Variants in SHOC1 observed in about 807,000 individuals in gnomAD.
The protein encoded by SHOC1 is protein shortage in chiasmata 1 ortholog.
Under a neutral mutation model 179.2 loss-of-function variants are expected in SHOC1, and 136 were observed. That is an observed-to-expected ratio of 0.76 (90% CI 0.66 to 0.87). SHOC1 has a LOEUF of 0.87. SHOC1 is among the 40% of genes least tolerant of loss of function. SHOC1 has a pLI of 0.00. For synonymous variants in SHOC1, 489 were observed against 586.6 expected (o/e 0.83, Z 2.41); for missense variants, 1,538 against 1,700.8 (o/e 0.90, Z 1.68).
At chr9:111,694,840 AAAT>A (rs1179127756) in intron 24 of SHOC1, among the ~76,000 whole-genome samples, 1 of 152,142 alleles carries the variant, frequency 6.6e-6, no homozygotes. Flanking sequence ...AAAAAAGAAA[AAAT>A]AAGGTTTTGA....
Position 111,737,165 on chromosome 9 carries a change from A to ATTT in SHOC1, c.1417+1114_1417+1115insAAA, listed in dbSNP as rs746303139. Among the ~76,000 whole-genome samples, 158 of 152,328 alleles carry ATTT rather than the reference A, an allele frequency of 1.0e-3. 1 individual carries two copies. The highest frequency in any genetic ancestry group is 1.7e-3 in the Non-Finnish European group (118 of 68,032). On this transcript the variant is annotated intron_variant, in intron 12 of 27. Transcript: ENST00000682961. ...GAAACTGTTTGGAGATTTATCAAAGAACTTAAAACAGAACTACGTTCGACC... is the reference window on the plus strand; with the variant it reads ...GAAACTGTTTGGAGATTTATCAAAGATTTACTTAAAACAGAACTACGTTCGACC...
chr9:111,741,511 C>T lies in SHOC1; in HGVS notation c.1139G>A (p.Arg380Lys). The part of the protein sequence containing the change: ...NEYYMMWQLE[R>K]CRSPLNPFLL... The stretch of plus-strand genomic sequence containing the variant: ...AAATGGGTTCAAAGGGCTTCTACAT[C>T]TTTCTAATTGCCACATCATGTAGTA... Residue 380 changes from arginine to lysine, a missense_variant, in exon 11 of 28, where the codon AGA becomes AAA. Coordinates refer to ENST00000682961, the MANE Select transcript of SHOC1 (RefSeq NM_001378211.1). 1 of 1,612,436 alleles carries T rather than the reference C, an allele frequency of 6.2e-7. No individual in the cohort carries two copies. The highest frequency in any genetic ancestry group is 1.1e-5 in the South Asian group (1 of 90,878).
chr9:111,711,546 GTGTC>G (rs1264378653), intron 18 of SHOC1, among the ~76,000 whole-genome samples: 4 of 152,032 alleles, frequency 2.6e-5, no homozygotes, highest in African/African-American at 7.2e-5. Flanking sequence ...ACTCTTCAAA[GTGTC>G]TGCGAGCCTA....
intron 10 of SHOC1, 125 bp from the exon 11 acceptor site, chr9:111,741,695 A>G: frequency 2.3e-6 from 1 of 442,840 alleles, no homozygotes; most frequent in South Asian, 4.0e-5. Context: ...GTACAGTGGC[A>G]CTATCTTGGC....
rs369320210 is a variant in SHOC1 at position 111,738,525 on chromosome 9, TA to T, written c.1175-4del. 1,365 of 1,484,286 alleles carry T rather than the reference TA, an allele frequency of 9.2e-4. No individual in the cohort carries two copies. The highest frequency in any genetic ancestry group is 2.7e-3 in the South Asian group (199 of 73,372). 91.9% of individuals were successfully genotyped at this position (1,484,286 alleles called of 1,614,324 possible). ...GTGGGGCTCTTGAATTCTTGGCACTTAAAAAAAAATAAAAAACAAATAGTTA... is the reference window on the plus strand; with the variant it reads ...GTGGGGCTCTTGAATTCTTGGCACTTAAAAAAAATAAAAAACAAATAGTTA... On this transcript the variant is annotated splice_polypyrimidine_tract_variant and splice_region_variant and intron_variant, in intron 11 of 27. Coordinates refer to ENST00000682961, the MANE Select transcript of SHOC1 (RefSeq NM_001378211.1).
chr9:111,727,673 G>A lies in SHOC1; in HGVS notation c.1794C>T (p.Cys598=), dbSNP rs1342063499. Residue 598 remains cysteine, a synonymous_variant, in exon 13 of 28, where the codon TGC becomes TGT. Transcript: ENST00000682961. ...TGTTTGTGACTTCAGTCTTTGAGGTGCAAGTCTTATATTTATTTCGCAGCA... is the reference window on the plus strand; with the variant it reads ...TGTTTGTGACTTCAGTCTTTGAGGTACAAGTCTTATATTTATTTCGCAGCA... The part of the protein sequence containing the change: ...FIMLRNKYKT[C]TSKTEVTNSD... 1.9e-6 allele frequency: 3 copies of A among 1,599,072 alleles called. No homozygotes were observed. The Admixed American group carries it at 5.3e-5, about 28-fold the overall frequency.
At chr9:111,723,471 G>A (rs1002749610) in intron 14 of SHOC1, among the ~76,000 whole-genome samples, 9 of 152,162 alleles carry the variant, frequency 5.9e-5, no homozygotes, top group African/African-American at 9.7e-5. Flanking sequence ...AACAGAGAGA[G>A]CATGATTAGC....
At position 111,738,504 on chromosome 9, in the gene SHOC1, G is replaced by T. The variant is rs775220135; in HGVS notation, c.1193C>A (p.Pro398His). ...ATCTGTAACTGAATATTGGCTGTGG[G>T]GCTCTTGAATTCTTGGCACTTAAAA... ...FLLTVPRIQE[P>H]HSQYSVTDLK... The change falls in exon 12 of 28, where the codon CCC becomes CAC. Residue 398 changes from proline to histidine, a missense_variant. Coordinates refer to ENST00000682961, the MANE Select transcript of SHOC1 (RefSeq NM_001378211.1). 1.9e-6 allele frequency: 3 copies of T among 1,561,368 alleles called. No homozygotes were observed. Among genetic ancestry groups the T allele is most frequent in the Non-Finnish European group, 2.6e-6 (3 of 1,161,382 alleles).
At chr9:111,747,285 G>C (rs532757491) in intron 9 of SHOC1, among the ~76,000 whole-genome samples, 6 of 152,114 alleles carry the variant, frequency 3.9e-5, no homozygotes, top group African/African-American at 1.4e-4. Flanking sequence ...TATCAATATA[G>C]TTAAGCAACA....
chr9:111,752,509 A>G (rs563268002), intron 8 of SHOC1, among the ~76,000 whole-genome samples: 3 of 152,236 alleles, frequency 2.0e-5, no homozygotes, highest in South Asian at 4.1e-4. Context: ...TCTGTAATGT[A>G]TCAGGTGCAA....
At chr9:111,703,184 C>G (rs1227269208) in intron 22 of SHOC1, among the ~76,000 whole-genome samples, 1 of 152,142 alleles carries the variant, frequency 6.6e-6, no homozygotes, top group Non-Finnish European at 1.5e-5. Context: ...ATACAAGACA[C>G]AGTATCTCTT....
chr9:111,784,436 C>T (rs936352894), intron 3 of SHOC1, among the ~76,000 whole-genome samples: 4 of 152,132 alleles, frequency 2.6e-5, no homozygotes, highest in African/African-American at 9.7e-5. Context: ...AAGCCTTGTC[C>T]AAGACACTGT....
intron 2 of SHOC1, among the ~76,000 whole-genome samples, chr9:111,786,360 G>A (rs1201086602): frequency 6.6e-6 from 1 of 152,018 alleles, no homozygotes; most frequent in African/African-American, 2.4e-5. Flanking sequence ...GTGTGAACCC[G>A]GGAGGTGGAG....
At chr9:111,694,192 G>A in intron 25 of SHOC1, 39 bp downstream of exon 25, 2 of 1,530,718 alleles carry the variant, frequency 1.3e-6, no homozygotes, top group Non-Finnish European at 1.8e-6. Context: ...TTTTATATTT[G>A]CTTTGCAATT....
At chr9:111,738,582 C>A in intron 11 of SHOC1, 60 bp from the exon 12 acceptor site, 1 of 1,399,122 alleles carries the variant, frequency 7.1e-7, no homozygotes, top group Non-Finnish European at 9.4e-7. Flanking sequence ...AGAAACAAAA[C>A]ACAATAAACA....
chr9:111,739,067 A>G (rs964694866), intron 11 of SHOC1, among the ~76,000 whole-genome samples: 1 of 152,234 alleles, frequency 6.6e-6, no homozygotes, highest in East Asian at 1.9e-4. Flanking sequence ...TGCATTATAA[A>G]CATCAACCTG....
chr9:111,742,465 G>T (rs978427346), intron 10 of SHOC1, among the ~76,000 whole-genome samples: 2 of 144,784 alleles, frequency 1.4e-5, no homozygotes, highest in East Asian at 3.9e-4. Context: ...ATGTGTGTCT[G>T]TGTATGTGTG....
In SHOC1 at chr9:111,721,385, G is replaced by C. The variant is rs192081657; in HGVS notation, c.2131+1024C>G. On this transcript the variant is annotated intron_variant, in intron 15 of 27. Transcript: ENST00000682961. ...GACGAAGTCTCACTCTGTTACCCAG[G>C]CTGGAATGCAGTGGTGTGATCTCAG... Among the ~76,000 whole-genome samples the C allele has an allele frequency of 7.9e-5, 12 of 152,282 alleles. No individual in the cohort carries two copies. The East Asian group carries it at 2.3e-3, about 29-fold the overall frequency.
intron 22 of SHOC1, 45 bp from the exon 23 acceptor site, chr9:111,702,271 GTTA>G (rs1269350172): frequency 3.3e-6 from 4 of 1,201,892 alleles, no homozygotes; most frequent in South Asian, 1.3e-5. Flanking sequence ...AGGTTGAACA[GTTA>G]TTATGAAATT....
Sources: allele counts gnomAD v4.1 joint callset (sites outside exome capture counted in the v4.1 genomes callset), GRCh38; gene constraint gnomAD v4.1.1; transcripts MANE v1.5; gene names NCBI Gene and HGNC (gene_info 2026-07-23, HGNC 2026-07-21).